Variants in FRYL observed in about 807,000 individuals in gnomAD.
FRYL encodes protein furry homolog-like.
In FRYL, 150 loss-of-function variants were observed where a neutral mutation model predicts 351.2. The ratio of observed to expected loss-of-function variants is 0.43; its 90% CI spans 0.37 to 0.49. FRYL has a LOEUF of 0.49. Among genes scored for constraint, FRYL ranks in the 20% least tolerant of loss-of-function variants. The pLI, the probability that FRYL is intolerant of heterozygous loss-of-function variation, is 0.00. For synonymous variants in FRYL, 1,153 were observed against 1,257.1 expected (o/e 0.92, Z 1.75); for missense variants, 3,036 against 3,619.3 (o/e 0.84, Z 4.13).
chr4:48,527,375 T>C (rs551397661), intron 53 of FRYL, 102 bp downstream of exon 53: 6 of 800,342 alleles, frequency 7.5e-6, no homozygotes, highest in Non-Finnish European at 9.1e-6. Flanking sequence ...TTTTACCTTT[T>C]TGACCTTACA....
At chr4:48,541,835 ACAG>A (rs2148937785) in intron 45 of FRYL, among the ~76,000 whole-genome samples, 189 bp downstream of exon 45, 1 of 152,308 alleles carries the variant, frequency 6.6e-6, no homozygotes, top group Admixed American at 6.5e-5. Flanking sequence ...TAGAAGAAGA[ACAG>A]CACTGCTAAA....
chr4:48,748,082 C>T (rs976251276), intron 1 of FRYL, among the ~76,000 whole-genome samples: 1 of 151,964 alleles, frequency 6.6e-6, no homozygotes, highest in African/African-American at 2.4e-5. Context: ...CCTGTCTCCA[C>T]CAAAAATAGA....
intron 7 of FRYL, among the ~76,000 whole-genome samples, chr4:48,616,283 T>G (rs1749414931): frequency 6.6e-6 from 1 of 152,158 alleles, no homozygotes. Flanking sequence ...AGAATTAAGT[T>G]TATTTTTATC....
chr4:48,521,939 T>C (rs1209107007), intron 54 of FRYL, among the ~76,000 whole-genome samples: 2 of 152,090 alleles, frequency 1.3e-5, no homozygotes, highest in African/African-American at 2.4e-5. Flanking sequence ...TCAACATCAC[T>C]GCCAGCACTT....
Position 48,754,843 on chromosome 4 carries a change from T to C in FRYL, c.-384+25235A>G, listed in dbSNP as rs184346926. ...TTTTAGTAGAGATGGGGTTTCACCA[T>C]GTTGGCCAGGCTGGTCTCAAACTCC... On this transcript the variant is annotated intron_variant, in intron 1 of 63. Coordinates refer to ENST00000358350, the MANE Select transcript of FRYL (RefSeq NM_015030.2). 4.4e-3 allele frequency among the ~76,000 whole-genome samples: 671 copies of C among 152,258 alleles called. 8 individuals carry two copies. Among genetic ancestry groups the C allele is most frequent in the African/African-American group, 0.015 (607 of 41,552 alleles).
At chr4:48,731,863 C>A (rs1228342471) in intron 1 of FRYL, among the ~76,000 whole-genome samples, 2 of 152,172 alleles carry the variant, frequency 1.3e-5, no homozygotes, top group African/African-American at 4.8e-5. Context: ...CCATTCAGGA[C>A]ATAGGCATGG....
At chr4:48,671,696 T>C (rs572526075) in intron 3 of FRYL, among the ~76,000 whole-genome samples, 76 of 140,838 alleles carry the variant, frequency 5.4e-4, no homozygotes, top group Non-Finnish European at 9.6e-4. Context: ...AATACAAAAA[T>C]ACAAAAATTA....
At chr4:48,614,750 C>G (rs1443572954) in intron 7 of FRYL, among the ~76,000 whole-genome samples, 1 of 116,428 alleles carries the variant, frequency 8.6e-6, no homozygotes, top group Non-Finnish European at 1.8e-5. Flanking sequence ...AAAAGAGAAA[C>G]TATAATAACA....
chr4:48,649,293 G>A (rs1185804178), intron 3 of FRYL, among the ~76,000 whole-genome samples: 1 of 151,850 alleles, frequency 6.6e-6, no homozygotes, highest in Non-Finnish European at 1.5e-5. Context: ...TTCTCATTGT[G>A]CAAAAATGCA....
At chr4:48,776,996 C>T (rs1233229992) in intron 1 of FRYL, among the ~76,000 whole-genome samples, 2 of 152,042 alleles carry the variant, frequency 1.3e-5, no homozygotes, top group African/African-American at 4.8e-5. Context: ...TTTGCATCTT[C>T]TCATTAAACT....
chr4:48,695,428 G>C (rs1482123760), intron 2 of FRYL, among the ~76,000 whole-genome samples: 2 of 151,996 alleles, frequency 1.3e-5, no homozygotes. Flanking sequence ...AAAAATCAAT[G>C]CTACTATGTA....
Position 48,619,866 on chromosome 4 carries a change from G to T in FRYL, c.315-496C>A, listed in dbSNP as rs543454784. ...TGTTCTTTCCCTTTTTATATACGGGGTGTTTATTCAGAGTTCACTATTATA... is the reference window on the plus strand; with the variant it reads ...TGTTCTTTCCCTTTTTATATACGGGTTGTTTATTCAGAGTTCACTATTATA... On this transcript the variant is annotated intron_variant, in intron 6 of 63. Transcript: ENST00000358350. Among the ~76,000 whole-genome samples the T allele has an allele frequency of 3.9e-5, 6 of 152,260 alleles. No individual in the cohort carries two copies. The South Asian group carries it at 1.0e-3, about 26-fold the overall frequency.
chr4:48,652,609 T>C (rs1287857986), intron 3 of FRYL, among the ~76,000 whole-genome samples: 1 of 152,192 alleles, frequency 6.6e-6, no homozygotes, highest in Non-Finnish European at 1.5e-5. Flanking sequence ...AATATAGGGA[T>C]TGTAAATGCA....
chr4:48,635,801 C>T (rs1196886001), intron 3 of FRYL, among the ~76,000 whole-genome samples: 2 of 152,194 alleles, frequency 1.3e-5, no homozygotes, highest in Non-Finnish European at 2.9e-5. Context: ...TCAACCTGAA[C>T]TCCAGAGACT....
At chr4:48,715,134 G>C (rs1188474783) in intron 1 of FRYL, among the ~76,000 whole-genome samples, 3 of 151,898 alleles carry the variant, frequency 2.0e-5, no homozygotes, top group Non-Finnish European at 2.9e-5. Context: ...AAAATAATAA[G>C]AGCTATCTAT....
At chr4:48,599,123 ATTC>A (rs1158154435) in intron 13 of FRYL, among the ~76,000 whole-genome samples, 1 of 152,210 alleles carries the variant, frequency 6.6e-6, no homozygotes, top group Non-Finnish European at 1.5e-5. Context: ...TTTTCTTAGA[ATTC>A]TTCTTAAAGC....
intron 3 of FRYL, among the ~76,000 whole-genome samples, chr4:48,681,393 C>G (rs1459463130): frequency 6.6e-6 from 1 of 151,978 alleles, no homozygotes; most frequent in African/African-American, 2.4e-5. Context: ...TGGGTGTTAA[C>G]GACAATACTG....
intron 55 of FRYL, among the ~76,000 whole-genome samples, chr4:48,520,114 ATTC>A (rs753209126): frequency 5.3e-5 from 8 of 152,202 alleles, no homozygotes; most frequent in South Asian, 2.1e-4. Flanking sequence ...TCCATGTCCT[ATTC>A]TTCTTTCTGG....
At chr4:48,558,224 T>G (rs1240826520) in intron 33 of FRYL, among the ~76,000 whole-genome samples, 1 of 152,206 alleles carries the variant, frequency 6.6e-6, no homozygotes, top group Admixed American at 6.5e-5. Context: ...AGTGGAATAT[T>G]ATGCACCCTT....
Sources: gnomAD v4.1 joint callset for allele counts (sites outside exome capture counted in the v4.1 genomes callset) on GRCh38, gnomAD v4.1.1 for gene constraint, MANE v1.5 for transcripts, NCBI Gene and HGNC (gene_info 2026-07-23, HGNC 2026-07-21) for gene names.